The following NEO1 variants were observed in gnomAD, a reference collection of about 807,000 sequenced individuals.
The protein encoded by NEO1 is neogenin.
NEO1 carries 63 observed loss-of-function variants against 159.7 expected under a neutral mutation model. The observed-to-expected ratio is 0.39, with a 90% confidence interval of 0.32 to 0.49. The LOEUF (loss-of-function observed/expected upper bound fraction) is 0.49, where lower values mean the gene tolerates loss of function less well. NEO1 is among the 20% of genes least tolerant of loss of function. NEO1 has a pLI of 0.85. For synonymous variants in NEO1, 633 were observed against 662.0 expected (o/e 0.96, Z 0.67); for missense variants, 1,615 against 1,831.0 (o/e 0.88, Z 2.15).
chr15:73,256,317 T>A (rs1349099420), intron 13 of NEO1, among the ~76,000 whole-genome samples: 1 of 152,056 alleles, frequency 6.6e-6, no homozygotes, highest in Non-Finnish European at 1.5e-5. Context: ...CTGGCCAACA[T>A]GGTGAAACCC....
intron 7 of NEO1, among the ~76,000 whole-genome samples, chr15:73,186,947 G>A (rs964213942): frequency 2.6e-5 from 4 of 152,160 alleles, no homozygotes; most frequent in African/African-American, 2.4e-5. Flanking sequence ...AAAACAAGTA[G>A]CAGGTCCTAA....
intron 1 of NEO1, among the ~76,000 whole-genome samples, chr15:73,055,976 A>T (rs564061521): frequency 6.6e-6 from 1 of 152,230 alleles, no homozygotes; most frequent in African/African-American, 2.4e-5. Context: ...CTCCATAATT[A>T]ATCTCTTTGT....
At chr15:73,265,826 T>A (rs927718343) in intron 15 of NEO1, among the ~76,000 whole-genome samples, 1 of 152,044 alleles carries the variant, frequency 6.6e-6, no homozygotes, top group Admixed American at 6.6e-5. Context: ...CTAGGTGAGG[T>A]TTGGCCATTT....
intron 7 of NEO1, among the ~76,000 whole-genome samples, chr15:73,214,760 TTTTG>T (rs1443992180): frequency 3.9e-5 from 6 of 152,170 alleles, no homozygotes; most frequent in Non-Finnish European, 5.9e-5. Context: ...ATGTGGGCTT[TTTTG>T]TTTGTTTGTT....
intron 1 of NEO1, among the ~76,000 whole-genome samples, chr15:73,082,828 C>A (rs752647740): frequency 6.6e-6 from 1 of 151,994 alleles, no homozygotes; most frequent in Non-Finnish European, 1.5e-5. Flanking sequence ...ATGTTAAGGG[C>A]CATAAAGGAG....
At chr15:73,087,349 A>G (rs1170965911) in intron 1 of NEO1, among the ~76,000 whole-genome samples, 1 of 152,196 alleles carries the variant, frequency 6.6e-6, no homozygotes, top group East Asian at 1.9e-4. Context: ...ATAAACCTCA[A>G]CTTGGTAGTG....
intron 7 of NEO1, among the ~76,000 whole-genome samples, chr15:73,188,611 TG>T (rs2036066798): frequency 1.3e-5 from 2 of 152,184 alleles, no homozygotes; most frequent in Admixed American, 1.3e-4. Context: ...TAGTAGTCTT[TG>T]TCCAAATCTC....
intron 1 of NEO1, among the ~76,000 whole-genome samples, chr15:73,058,204 A>G (rs1228228117): frequency 6.6e-6 from 1 of 152,210 alleles, no homozygotes; most frequent in Non-Finnish European, 1.5e-5. Context: ...TAATTAAAGT[A>G]GTAGTTACAG....
In NEO1 at chr15:73,212,367, C is replaced by T. The variant is rs537951814; in HGVS notation, c.1292-23980C>T. 1.6e-3 allele frequency among the ~76,000 whole-genome samples: 236 copies of T among 152,228 alleles called. 8 individuals carry two copies. The South Asian group carries it at 0.046, about 30-fold the overall frequency. ...GGAGGTACTTAGATTGACTCTTTCCCGTGAAATAATTTACTTTTCTTCTAT... is the reference window on the plus strand; with the variant it reads ...GGAGGTACTTAGATTGACTCTTTCCTGTGAAATAATTTACTTTTCTTCTAT... On this transcript the variant is annotated intron_variant, in intron 7 of 28. Transcript: ENST00000261908.
At chr15:73,131,940 C>A (rs951345187) in intron 4 of NEO1, among the ~76,000 whole-genome samples, 1 of 152,160 alleles carries the variant, frequency 6.6e-6, no homozygotes, top group African/African-American at 2.4e-5. Flanking sequence ...AAATATTTTT[C>A]GCACCTCATT....
chr15:73,190,488 C>T (rs1181833330), intron 7 of NEO1, among the ~76,000 whole-genome samples: 8 of 152,068 alleles, frequency 5.3e-5, no homozygotes, highest in South Asian at 2.1e-4. Flanking sequence ...GCATCCCCCA[C>T]CCTTTTTTTG....
intron 26 of NEO1, among the ~76,000 whole-genome samples, chr15:73,297,453 T>C (rs1011892285): frequency 6.6e-6 from 1 of 152,218 alleles, no homozygotes; most frequent in Non-Finnish European, 1.5e-5. Context: ...TTCAGCACTT[T>C]TCATACATCT....
At chr15:73,072,162 G>A (rs2068567531) in intron 1 of NEO1, among the ~76,000 whole-genome samples, 1 of 152,044 alleles carries the variant, frequency 6.6e-6, no homozygotes, top group African/African-American at 2.4e-5. Flanking sequence ...TTTTGAACAG[G>A]CTGGTCTTGA....
chr15:73,109,309 C>A (rs2070847343), intron 1 of NEO1, among the ~76,000 whole-genome samples: 1 of 152,124 alleles, frequency 6.6e-6, no homozygotes. Context: ...AATTCTCTCT[C>A]ATCTTCACAG....
chr15:73,275,188 C>T (rs2041351122), intron 21 of NEO1, among the ~76,000 whole-genome samples: 1 of 151,982 alleles, frequency 6.6e-6, no homozygotes, highest in Non-Finnish European at 1.5e-5. Flanking sequence ...ACCCTATTTT[C>T]CTCTTCCCAC....
At chr15:73,263,115 A>C (rs1178188224) in intron 15 of NEO1, among the ~76,000 whole-genome samples, 1 of 151,628 alleles carries the variant, frequency 6.6e-6, no homozygotes, top group Non-Finnish European at 1.5e-5. Flanking sequence ...TGCAAGGTAT[A>C]TATATTTGTC....
At chr15:73,178,022 A>G (rs1261548798) in intron 6 of NEO1, among the ~76,000 whole-genome samples, 3 of 152,320 alleles carry the variant, frequency 2.0e-5, no homozygotes, top group Non-Finnish European at 1.5e-5. Flanking sequence ...TGCGTGCCAG[A>G]TCTTTTTCCA....
chr15:73,102,012 G>A lies in NEO1; in HGVS notation c.131-14528G>A, dbSNP rs562002831. On this transcript the variant is annotated intron_variant, in intron 1 of 28. Transcript: ENST00000261908. ...TTGTTTGTGGACTGATAGCATCTTT[G>A]TCATCTAATAACTCATTAGAAATGT... Among the ~76,000 whole-genome samples the A allele has an allele frequency of 2.6e-5, 4 of 152,218 alleles. No homozygotes were observed. The South Asian group carries it at 8.3e-4, about 32-fold the overall frequency.
intron 5 of NEO1, among the ~76,000 whole-genome samples, chr15:73,159,987 G>A (rs1488461043): frequency 6.6e-6 from 1 of 151,838 alleles, no homozygotes; most frequent in Admixed American, 6.5e-5. Flanking sequence ...GAAATTCTGT[G>A]TATTTTCATT....
Sources: gnomAD v4.1 joint callset for allele counts (sites outside exome capture counted in the v4.1 genomes callset) on GRCh38, gnomAD v4.1.1 for gene constraint, MANE v1.5 for transcripts, NCBI Gene and HGNC (gene_info 2026-07-23, HGNC 2026-07-21) for gene names.